NKAIN2: variants seen among roughly 807,000 people sequenced by gnomAD.
The protein encoded by NKAIN2 is sodium/potassium transporting ATPase interacting 2.
A neutral mutation model predicts 32.6 loss-of-function variants in NKAIN2; 14 were observed. The ratio of observed to expected loss-of-function variants is 0.43; its 90% confidence interval spans 0.28 to 0.67. The LOEUF is 0.67. Among genes scored for constraint, NKAIN2 ranks in the 30% least tolerant of loss-of-function variants. NKAIN2 has a pLI of 0.17. For missense variants in NKAIN2, 198 were observed against 258.3 expected (o/e 0.77, Z 1.60); for synonymous variants, 80 against 87.2 (o/e 0.92, Z 0.46).
chr6:124,690,588 A>T (rs7774492), intron 4 of NKAIN2, among the ~76,000 whole-genome samples: 2,627 of 152,282 alleles, frequency 0.017, 67 homozygotes, highest in African/African-American at 0.058. Context: ...CAAGTTGAAC[A>T]GTTTAACTTA....
At chr6:123,924,994 A>T (rs1775940512) in intron 1 of NKAIN2, among the ~76,000 whole-genome samples, 1 of 152,144 alleles carries the variant, frequency 6.6e-6, no homozygotes, top group African/African-American at 2.4e-5. Context: ...TTTATAATTG[A>T]AAAAATATAA....
chr6:123,966,676 C>T (rs1161564615), intron 1 of NKAIN2, among the ~76,000 whole-genome samples: 1 of 152,108 alleles, frequency 6.6e-6, no homozygotes, highest in African/African-American at 2.4e-5. Context: ...AGTTCATTTG[C>T]TGGTGTAGCA....
chr6:123,882,560 A>G (rs1257212133), intron 1 of NKAIN2, among the ~76,000 whole-genome samples: 1 of 152,164 alleles, frequency 6.6e-6, no homozygotes, highest in Non-Finnish European at 1.5e-5. Context: ...TTTAAATTGA[A>G]TTTATATTTT....
intron 3 of NKAIN2, among the ~76,000 whole-genome samples, chr6:124,510,165 A>G (rs184875684): frequency 2.6e-5 from 4 of 151,978 alleles, no homozygotes; most frequent in Admixed American, 2.6e-4. Context: ...AAAAAAAGAT[A>G]ATATTTATTT....
intron 3 of NKAIN2, among the ~76,000 whole-genome samples, chr6:124,428,944 T>C (rs764103240): frequency 6.6e-6 from 1 of 152,224 alleles, no homozygotes; most frequent in Non-Finnish European, 1.5e-5. Flanking sequence ...GGGACATGGC[T>C]GTATCTGCAG....
At chr6:124,116,911 T>C (rs1196608321) in intron 1 of NKAIN2, among the ~76,000 whole-genome samples, 1 of 152,070 alleles carries the variant, frequency 6.6e-6, no homozygotes, top group Non-Finnish European at 1.5e-5. Flanking sequence ...CACTAAGCCA[T>C]AGATATACTC....
intron 1 of NKAIN2, among the ~76,000 whole-genome samples, chr6:124,046,655 G>A (rs181695030): frequency 1.2e-4 from 18 of 152,066 alleles, no homozygotes; most frequent in Non-Finnish European, 2.2e-4. Flanking sequence ...GTCTGCAAGT[G>A]TGACACAATG....
intron 1 of NKAIN2, among the ~76,000 whole-genome samples, chr6:124,067,218 C>G (rs941250691): frequency 2.0e-5 from 3 of 152,108 alleles, no homozygotes; most frequent in Admixed American, 6.6e-5. Flanking sequence ...CTTCCTAGAA[C>G]AGACCCAGCA....
intron 3 of NKAIN2, among the ~76,000 whole-genome samples, chr6:124,391,665 G>A (rs1349042255): frequency 1.3e-5 from 2 of 152,104 alleles, no homozygotes; most frequent in Non-Finnish European, 2.9e-5. Context: ...AATTTTTCAA[G>A]TTGTCTTCTA....
chr6:124,527,276 C>G (rs1053060080), intron 3 of NKAIN2, among the ~76,000 whole-genome samples: 2 of 152,122 alleles, frequency 1.3e-5, no homozygotes, highest in Non-Finnish European at 2.9e-5. Context: ...TCTGGCAAAA[C>G]ACCACATAAC....
chr6:123,805,914 A>G (rs1333748566), intron 1 of NKAIN2, among the ~76,000 whole-genome samples: 2 of 152,150 alleles, frequency 1.3e-5, no homozygotes, highest in Non-Finnish European at 2.9e-5. Flanking sequence ...ATGTAATATA[A>G]TAGGGCTTTC....
At chr6:124,443,430 A>G (rs1002858982) in intron 3 of NKAIN2, among the ~76,000 whole-genome samples, 1 of 152,156 alleles carries the variant, frequency 6.6e-6, no homozygotes, top group Non-Finnish European at 1.5e-5. Flanking sequence ...CTGATCGCAT[A>G]TGACATCCAG....
At chr6:123,982,754 A>T (rs1365630594) in intron 1 of NKAIN2, among the ~76,000 whole-genome samples, 3 of 152,182 alleles carry the variant, frequency 2.0e-5, no homozygotes, top group African/African-American at 7.2e-5. Context: ...CAATTTTGAG[A>T]TGAGAATGAA....
intron 3 of NKAIN2, among the ~76,000 whole-genome samples, chr6:124,626,435 T>G (rs1783348231): frequency 1.6e-5 from 2 of 126,266 alleles, no homozygotes. Context: ...ATACCTAAAC[T>G]GTTATTATCA....
intron 1 of NKAIN2, among the ~76,000 whole-genome samples, chr6:124,071,895 G>T (rs2114882236): frequency 6.6e-6 from 1 of 152,234 alleles, no homozygotes; most frequent in African/African-American, 2.4e-5. Context: ...AATTAGTTCA[G>T]CCACGTTGAA....
intron 6 of NKAIN2, among the ~76,000 whole-genome samples, chr6:124,819,580 ACCTGTTAAGTTT>A (rs1781310263): frequency 3.9e-5 from 6 of 152,138 alleles, no homozygotes; most frequent in Admixed American, 3.9e-4. Context: ...TGCAAGTATG[ACCTGTTAAGTTT>A]TTCGGTCTCT....
intron 1 of NKAIN2, among the ~76,000 whole-genome samples, chr6:123,929,572 G>A (rs530584895): frequency 3.9e-5 from 6 of 152,058 alleles, no homozygotes; most frequent in African/African-American, 7.2e-5. Context: ...CTGAGACACC[G>A]ATAACAGGCA....
At chr6:124,080,042 A>C (rs1222500804) in intron 1 of NKAIN2, among the ~76,000 whole-genome samples, 3 of 152,076 alleles carry the variant, frequency 2.0e-5, no homozygotes, top group Non-Finnish European at 4.4e-5. Flanking sequence ...GCATCAAAAG[A>C]TTAAGGATGT....
chr6:124,237,158 A>T lies in NKAIN2; in HGVS notation c.55-45847A>T, dbSNP rs371200120. The stretch of plus-strand genomic sequence containing the variant: ...TACCGACATCAGAAAATAGGAAAGA[A>T]TAGTCTGTAAAGAAGCAGATATAAA... On this transcript the variant is annotated intron_variant, in intron 1 of 6. Coordinates refer to ENST00000368417, the MANE Select transcript of NKAIN2 (RefSeq NM_001040214.3). 1.1e-4 allele frequency among the ~76,000 whole-genome samples: 17 copies of T among 152,296 alleles called. No individual in the cohort carries two copies. The South Asian group carries it at 2.7e-3, about 24-fold the overall frequency.
Sources: gnomAD v4.1 joint callset for allele counts (sites outside exome capture counted in the v4.1 genomes callset) on GRCh38, gnomAD v4.1.1 for gene constraint, MANE v1.5 for transcripts, NCBI Gene and HGNC (gene_info 2026-07-23, HGNC 2026-07-21) for gene names.